The following KLF12 variants were observed in gnomAD, a reference collection of about 807,000 sequenced individuals.
KLF12 encodes the protein KLF transcription factor 12.
In KLF12, 9 loss-of-function variants were observed where a neutral mutation model predicts 37.8. That is an observed-to-expected ratio of 0.24 (90% confidence interval 0.14 to 0.42). The LOEUF is 0.42. Ranked by LOEUF, KLF12 falls within the 10% of genes least tolerant of loss-of-function variation. The probability of loss-of-function intolerance (pLI) is 1.00; values close to 1 mark genes in which losing one functional copy is unlikely to be tolerated. For synonymous variants in KLF12, 208 were observed against 202.1 expected (o/e 1.03, Z -0.25); for missense variants, 411 against 516.0 (o/e 0.80, Z 1.97).
At chr13:74,292,829 G>C in the KLF12 span, among the ~76,000 whole-genome samples, 1 of 152,120 alleles carries the variant, frequency 6.6e-6, no homozygotes, top group Non-Finnish European at 1.5e-5. Context: ...ATTTTATGTT[G>C]TATTTTTAAT....
intron 6 of KLF12, among the ~76,000 whole-genome samples, chr13:73,718,758 G>A (rs139146041): frequency 0.025 from 3,831 of 152,276 alleles, 81 homozygotes; most frequent in Admixed American, 0.039. Context: ...GCTGGGCGTG[G>A]TGGCATGTGC....
chr13:74,183,309 G>A, the KLF12 span, among the ~76,000 whole-genome samples: 8 of 152,042 alleles, frequency 5.3e-5, no homozygotes, highest in Admixed American at 1.3e-4. Flanking sequence ...TGCGGGACTC[G>A]GCTATGACTT....
chr13:73,884,395 T>C (rs376912961), intron 3 of KLF12, among the ~76,000 whole-genome samples: 75 of 152,344 alleles, frequency 4.9e-4, no homozygotes, highest in African/African-American at 1.7e-3. Flanking sequence ...GAATCTCCCA[T>C]AGGTGTCACT....
the KLF12 span, among the ~76,000 whole-genome samples, chr13:74,299,941 A>G: frequency 1.3e-5 from 2 of 152,158 alleles, no homozygotes; most frequent in Admixed American, 1.3e-4. Flanking sequence ...CTGGAAGTTC[A>G]GAAAGAAGTA....
the KLF12 span, among the ~76,000 whole-genome samples, chr13:74,181,245 G>T: frequency 5.3e-5 from 8 of 151,366 alleles, no homozygotes; most frequent in Admixed American, 2.0e-4. Context: ...TGATCCACCC[G>T]CTTCGGCTTC....
At chr13:74,239,244 A>T in the KLF12 span, among the ~76,000 whole-genome samples, 1 of 151,818 alleles carries the variant, frequency 6.6e-6, no homozygotes, top group Non-Finnish European at 1.5e-5. Flanking sequence ...CATGTAGTTG[A>T]GCCGTTTTGA....
chr13:74,198,494 TC>T, the KLF12 span, among the ~76,000 whole-genome samples: 1 of 140,682 alleles, frequency 7.1e-6, no homozygotes, highest in African/African-American at 2.7e-5. Flanking sequence ...TGTTAGACCT[TC>T]CATCTACACT....
At chr13:74,264,711 T>G in the KLF12 span, among the ~76,000 whole-genome samples, 1 of 152,196 alleles carries the variant, frequency 6.6e-6, no homozygotes, top group Non-Finnish European at 1.5e-5. Flanking sequence ...GAATTTGGAT[T>G]TCAGCATACT....
chr13:73,933,057 T>C (rs993793176), intron 3 of KLF12, among the ~76,000 whole-genome samples: 4 of 152,186 alleles, frequency 2.6e-5, no homozygotes, highest in Non-Finnish European at 5.9e-5. Context: ...TGTGTGATCT[T>C]ACATGCATAT....
chr13:74,225,502 G>A, the KLF12 span, among the ~76,000 whole-genome samples: 1 of 151,726 alleles, frequency 6.6e-6, no homozygotes, highest in Non-Finnish European at 1.5e-5. Flanking sequence ...GGCCTACATT[G>A]CGATTATTCC....
the KLF12 span, among the ~76,000 whole-genome samples, chr13:74,158,400 A>G: frequency 6.6e-6 from 1 of 152,188 alleles, no homozygotes; most frequent in Non-Finnish European, 1.5e-5. Flanking sequence ...CCGGTGTTAG[A>G]GAAGTGGGCA....
chr13:73,959,228 C>CTG (rs1257258613), intron 2 of KLF12, among the ~76,000 whole-genome samples: 1 of 151,360 alleles, frequency 6.6e-6, no homozygotes, highest in Non-Finnish European at 1.5e-5. Flanking sequence ...AGGCTAGCAA[C>CTG]TGTTCCCTTG....
At chr13:74,074,323 C>T (rs1874442196) in intron 1 of KLF12, among the ~76,000 whole-genome samples, 1 of 152,196 alleles carries the variant, frequency 6.6e-6, no homozygotes, top group African/African-American at 2.4e-5. Context: ...TACAGGAAGA[C>T]AGCATGTGTC....
chr13:73,964,124 A>G (rs1314932959), intron 2 of KLF12, among the ~76,000 whole-genome samples: 1 of 152,208 alleles, frequency 6.6e-6, no homozygotes, highest in Non-Finnish European at 1.5e-5. Context: ...ATTTTATACC[A>G]TTCATGACCT....
intron 1 of KLF12, among the ~76,000 whole-genome samples, chr13:74,049,436 A>G (rs1893627871): frequency 6.6e-6 from 1 of 152,216 alleles, no homozygotes; most frequent in African/African-American, 2.4e-5. Context: ...TGAGAAGAGC[A>G]CAGACTAGCT....
the KLF12 span, among the ~76,000 whole-genome samples, chr13:74,160,825 A>G: frequency 6.6e-6 from 1 of 152,196 alleles, no homozygotes; most frequent in African/African-American, 2.4e-5. Flanking sequence ...GCTCTAGTTA[A>G]GTTGAAGTGC....
the KLF12 span, among the ~76,000 whole-genome samples, chr13:74,303,936 C>G: frequency 1.3e-5 from 2 of 152,002 alleles, no homozygotes; most frequent in Non-Finnish European, 2.9e-5. Context: ...TTTAAAAAAT[C>G]CTGTCTTGTG....
intron 2 of KLF12, among the ~76,000 whole-genome samples, chr13:73,994,154 CT>C (rs1353122880): frequency 6.6e-6 from 1 of 152,104 alleles, no homozygotes; most frequent in East Asian, 1.9e-4. Context: ...TTGTAAGTAG[CT>C]GTGAAGGTAG....
At chr13:73,998,870 T>A (rs897249977) in intron 1 of KLF12, among the ~76,000 whole-genome samples, 1 of 152,256 alleles carries the variant, frequency 6.6e-6, no homozygotes, top group African/African-American at 2.4e-5. Flanking sequence ...TACGTTTTCA[T>A]AGCTATTTTG....
Sources: allele counts gnomAD v4.1 joint callset (sites outside exome capture counted in the v4.1 genomes callset), GRCh38; gene constraint gnomAD v4.1.1; transcripts MANE v1.5; gene names NCBI Gene and HGNC (gene_info 2026-07-23, HGNC 2026-07-21).